TNNI3K: variants seen among roughly 807,000 people sequenced by gnomAD.
TNNI3K encodes serine/threonine-protein kinase TNNI3K.
TNNI3K carries 140 observed loss-of-function variants against 114.5 expected under a neutral mutation model. That is an observed-to-expected ratio of 1.22 (90% confidence interval 1.07 to 1.41). The LOEUF (loss-of-function observed/expected upper bound fraction) is 1.41. Ranked by LOEUF, TNNI3K falls within the 40% of genes most tolerant of loss-of-function variation. TNNI3K has a pLI of 0.00. For missense variants in TNNI3K, 1,125 were observed against 1,007.6 expected (o/e 1.12, Z -1.58); for synonymous variants, 347 against 347.5 (o/e 1.00, Z 0.02).
chr1:74,514,220 G>A (rs545447139), intron 23 of TNNI3K, among the ~76,000 whole-genome samples: 5 of 152,202 alleles, frequency 3.3e-5, no homozygotes, highest in South Asian at 2.1e-4. Context: ...TATAAGATAC[G>A]GTCTAATAAA....
intron 10 of TNNI3K, 132 bp from the exon 11 acceptor site, chr1:74,353,848 T>A: frequency 7.6e-7 from 1 of 1,309,686 alleles, no homozygotes; most frequent in Non-Finnish European, 1.0e-6. Flanking sequence ...AATTAGTTCT[T>A]TATCAAAGAA....
At chr1:74,304,065 C>A (rs916520400) in intron 5 of TNNI3K, among the ~76,000 whole-genome samples, 2 of 152,172 alleles carry the variant, frequency 1.3e-5, no homozygotes, top group African/African-American at 4.8e-5. Flanking sequence ...AAGATAAAAT[C>A]TACTCCTGGT....
intron 5 of TNNI3K, among the ~76,000 whole-genome samples, 162 bp from the exon 6 acceptor site, chr1:74,331,288 A>G (rs929602310): frequency 6.6e-6 from 1 of 152,132 alleles, no homozygotes. Flanking sequence ...TATCTTTCAT[A>G]AAAAAACAGG....
In TNNI3K at chr1:74,518,705, A is replaced by G. The variant is rs556335115; in HGVS notation, c.2352-21529A>G. Among the ~76,000 whole-genome samples, 417 of 152,294 alleles carry G rather than the reference A, an allele frequency of 2.7e-3. 3 individuals carry two copies. The highest frequency in any genetic ancestry group is 5.0e-3 in the Non-Finnish European group (338 of 68,010). On this transcript the variant is annotated intron_variant, in intron 23 of 24. Transcript: ENST00000326637. Reference sequence around the variant, plus strand: ...TCTGTTTTTTAAGCTCAAAATTATTATATTAGTGTTTTGAACACATATTTT... The same window carrying G: ...TCTGTTTTTTAAGCTCAAAATTATTGTATTAGTGTTTTGAACACATATTTT...
chr1:74,260,099 C>A (rs946269599), intron 4 of TNNI3K, among the ~76,000 whole-genome samples: 1 of 152,006 alleles, frequency 6.6e-6, no homozygotes, highest in Non-Finnish European at 1.5e-5. Flanking sequence ...TATTTAAAAC[C>A]AAGATAAACT....
At chr1:74,282,938 G>C (rs1657100364) in intron 5 of TNNI3K, among the ~76,000 whole-genome samples, 1 of 152,108 alleles carries the variant, frequency 6.6e-6, no homozygotes, top group African/African-American at 2.4e-5. Flanking sequence ...TATGCCAGCC[G>C]ATGCACATCA....
intron 21 of TNNI3K, among the ~76,000 whole-genome samples, chr1:74,467,579 T>C (rs1206409429): frequency 2.0e-5 from 3 of 151,902 alleles, no homozygotes; most frequent in Non-Finnish European, 1.5e-5. Flanking sequence ...GCAATTATAT[T>C]TTTTTCTCTA....
chr1:74,262,282 G>A (rs928692488), intron 4 of TNNI3K, among the ~76,000 whole-genome samples: 4 of 151,994 alleles, frequency 2.6e-5, no homozygotes, highest in African/African-American at 9.7e-5. Context: ...CCTGTCCTCT[G>A]TTCTCTAGAT....
At chr1:74,283,857 G>A (rs1657162681) in intron 5 of TNNI3K, among the ~76,000 whole-genome samples, 1 of 152,006 alleles carries the variant, frequency 6.6e-6, no homozygotes, top group Non-Finnish European at 1.5e-5. Flanking sequence ...ACATGTATTA[G>A]CTAAACAGAA....
chr1:74,407,761 AG>A (rs1664687360), intron 17 of TNNI3K, among the ~76,000 whole-genome samples: 1 of 152,188 alleles, frequency 6.6e-6, no homozygotes, highest in South Asian at 2.1e-4. Context: ...GGTACAATTT[AG>A]AACCTTTTTC....
chr1:74,248,548 T>C (rs1654732685), intron 2 of TNNI3K, among the ~76,000 whole-genome samples: 1 of 152,260 alleles, frequency 6.6e-6, no homozygotes, highest in Non-Finnish European at 1.5e-5. Context: ...ATTGCACTGT[T>C]GTTACCATTG....
rs555352278 is a variant in TNNI3K, at chr1:74,316,826, A to T, written c.445-14624A>T. The stretch of plus-strand genomic sequence containing the variant: ...TGCCTCAGCCTTCTGAGTAGCTGGG[A>T]CTACAGGCGCCTGCCACCACGCCCA... On this transcript the variant is annotated intron_variant, in intron 5 of 24. Transcript: ENST00000326637. Among the ~76,000 whole-genome samples, 15 of 150,632 alleles carry T rather than the reference A, an allele frequency of 1.0e-4. No homozygotes were observed. In the South Asian group the frequency reaches 2.9e-3, roughly 30 times the overall value.
chr1:74,389,602 A>C (rs1461743617), intron 17 of TNNI3K, among the ~76,000 whole-genome samples: 1 of 152,100 alleles, frequency 6.6e-6, no homozygotes, highest in Non-Finnish European at 1.5e-5. Context: ...TTTTATTGGA[A>C]CTTTTTAAAT....
At chr1:74,526,708 A>G (rs1400106004) in intron 23 of TNNI3K, among the ~76,000 whole-genome samples, 1 of 152,196 alleles carries the variant, frequency 6.6e-6, no homozygotes, top group Non-Finnish European at 1.5e-5. Flanking sequence ...AGGAGAAGCT[A>G]TGAAAATCTA....
At chr1:74,390,804 TA>T (rs1431059191) in intron 17 of TNNI3K, among the ~76,000 whole-genome samples, 1 of 152,098 alleles carries the variant, frequency 6.6e-6, no homozygotes, top group Non-Finnish European at 1.5e-5. Context: ...GATTGTTGGT[TA>T]TGAAAGCCTT....
chr1:74,341,379 G>A (rs960828570), intron 7 of TNNI3K, among the ~76,000 whole-genome samples: 6 of 152,066 alleles, frequency 3.9e-5, no homozygotes, highest in Non-Finnish European at 7.4e-5. Context: ...CTAGATAGAC[G>A]CTTTCCAATC....
chr1:74,431,236 C>A (rs946245098), intron 17 of TNNI3K, among the ~76,000 whole-genome samples: 19 of 152,002 alleles, frequency 1.2e-4, no homozygotes, highest in Non-Finnish European at 2.5e-4. Flanking sequence ...CTAGTAACAG[C>A]AAAAACTAGG....
intron 7 of TNNI3K, among the ~76,000 whole-genome samples, chr1:74,340,233 C>T (rs954421689): frequency 1.8e-4 from 27 of 152,088 alleles, no homozygotes; most frequent in African/African-American, 6.3e-4. Context: ...CAAAAGACAT[C>T]ACTATCTACC....
intron 5 of TNNI3K, among the ~76,000 whole-genome samples, chr1:74,323,575 C>T (rs1414977486): frequency 6.6e-6 from 1 of 151,832 alleles, no homozygotes; most frequent in Non-Finnish European, 1.5e-5. Flanking sequence ...GGAAAAGATA[C>T]AAAACAGGAC....
Sources: gnomAD v4.1 joint callset for allele counts (sites outside exome capture counted in the v4.1 genomes callset) on GRCh38, gnomAD v4.1.1 for gene constraint, MANE v1.5 for transcripts, NCBI Gene and HGNC (gene_info 2026-07-23, HGNC 2026-07-21) for gene names.